The following CDH13 variants were observed in gnomAD, a reference collection of about 807,000 sequenced individuals.
CDH13 encodes the protein cadherin 13.
In CDH13, 24 loss-of-function variants were observed where a neutral mutation model predicts 63.8. The ratio of observed to expected loss-of-function variants is 0.38; its 90% CI spans 0.27 to 0.53. The LOEUF (loss-of-function observed/expected upper bound fraction) is 0.53. Ranked by LOEUF, CDH13 falls within the 20% of genes least tolerant of loss-of-function variation. CDH13 has a pLI of 0.85. For synonymous variants in CDH13, 503 were observed against 355.3 expected (o/e 1.42, Z -4.67); for missense variants, 1,049 against 903.1 (o/e 1.16, Z -2.07).
chr16:83,686,718 G>T (rs574458813), intron 10 of CDH13, among the ~76,000 whole-genome samples: 7 of 152,238 alleles, frequency 4.6e-5, no homozygotes, highest in African/African-American at 1.7e-4. Flanking sequence ...TTTAGTGTGG[G>T]TACATTTTAG....
intron 3 of CDH13, among the ~76,000 whole-genome samples, chr16:83,039,346 C>T (rs1198047174): frequency 1.3e-5 from 2 of 152,156 alleles, no homozygotes; most frequent in African/African-American, 4.8e-5. Context: ...TCTTTCAAGT[C>T]TCATTCCTGC....
chr16:82,784,604 G>A (rs1266850088), intron 1 of CDH13, among the ~76,000 whole-genome samples: 1 of 152,170 alleles, frequency 6.6e-6, no homozygotes, highest in East Asian at 1.9e-4. Context: ...GAGGGAAGAA[G>A]AAGAATTAAT....
intron 1 of CDH13, among the ~76,000 whole-genome samples, chr16:82,767,461 T>G (rs535660730): frequency 6.6e-6 from 1 of 152,260 alleles, no homozygotes; most frequent in African/African-American, 2.4e-5. Context: ...TTGCATGTTG[T>G]TGCACCGATG....
chr16:83,245,640 A>C (rs1904914491), intron 5 of CDH13, among the ~76,000 whole-genome samples: 1 of 152,258 alleles, frequency 6.6e-6, no homozygotes. Context: ...TCAATGCAGT[A>C]GACTTAGATT....
intron 6 of CDH13, among the ~76,000 whole-genome samples, chr16:83,444,187 G>A (rs1312603272): frequency 2.6e-5 from 4 of 152,132 alleles, no homozygotes; most frequent in Non-Finnish European, 5.9e-5. Context: ...GATGGCAACA[G>A]TGATGACAAT....
chr16:82,928,555 A>G (rs2042379464), intron 2 of CDH13, among the ~76,000 whole-genome samples: 1 of 152,220 alleles, frequency 6.6e-6, no homozygotes, highest in African/African-American at 2.4e-5. Context: ...AACATAGAAT[A>G]TTCTACTGTT....
intron 3 of CDH13, among the ~76,000 whole-genome samples, chr16:83,108,252 A>G (rs12716962): frequency 6.6e-6 from 1 of 152,002 alleles, no homozygotes; most frequent in African/African-American, 2.4e-5. Context: ...GCAAAGGACC[A>G]CAGAGGAAGG....
chr16:82,651,267 T>C (rs1021150150), intron 1 of CDH13, among the ~76,000 whole-genome samples: 11 of 152,238 alleles, frequency 7.2e-5, no homozygotes, highest in African/African-American at 2.7e-4. Context: ...TACTTTCACA[T>C]GTGATGTCTA....
chr16:83,615,060 AGTTTGGT>A, intron 8 of CDH13, among the ~76,000 whole-genome samples: 1 of 152,280 alleles, frequency 6.6e-6, no homozygotes, highest in South Asian at 2.1e-4. Flanking sequence ...TGTTTTTGAT[AGTTTGGT>A]GACTCCAGCT....
At chr16:83,384,406 A>ACC (rs751755957) in intron 6 of CDH13, among the ~76,000 whole-genome samples, 4 of 152,188 alleles carry the variant, frequency 2.6e-5, no homozygotes, top group Non-Finnish European at 4.4e-5. Flanking sequence ...AGAAGGAAAT[A>ACC]GACTACCGAG....
chr16:83,202,730 T>C (rs897126391), intron 4 of CDH13, among the ~76,000 whole-genome samples: 1 of 152,212 alleles, frequency 6.6e-6, no homozygotes, highest in African/African-American at 2.4e-5. Flanking sequence ...GTTGTTCATG[T>C]TGATTACTAG....
chr16:82,936,850 C>T (rs905522616), intron 2 of CDH13, among the ~76,000 whole-genome samples: 4 of 152,072 alleles, frequency 2.6e-5, no homozygotes, highest in Non-Finnish European at 5.9e-5. Flanking sequence ...TACACTTCGC[C>T]CAACCATTTG....
chr16:83,007,824 CAAA>C (rs563773010), intron 2 of CDH13, among the ~76,000 whole-genome samples: 1 of 125,066 alleles, frequency 8.0e-6, no homozygotes. Flanking sequence ...ACGACTCTGT[CAAA>C]AAAAAAAAAA....
At chr16:83,426,294 A>G (rs2071893147) in intron 6 of CDH13, among the ~76,000 whole-genome samples, 1 of 152,108 alleles carries the variant, frequency 6.6e-6, no homozygotes, top group Non-Finnish European at 1.5e-5. Flanking sequence ...TGATTTCTGC[A>G]TCCGATTTGA....
intron 1 of CDH13, among the ~76,000 whole-genome samples, chr16:82,657,455 C>T (rs1344157313): frequency 2.6e-5 from 4 of 152,106 alleles, no homozygotes; most frequent in Non-Finnish European, 5.9e-5. Flanking sequence ...ACATTCCCGG[C>T]AGGATGGAGT....
chr16:83,374,127 G>A (rs1382808314), intron 6 of CDH13, among the ~76,000 whole-genome samples: 1 of 152,198 alleles, frequency 6.6e-6, no homozygotes, highest in Non-Finnish European at 1.5e-5. Flanking sequence ...TCTTGCTGCT[G>A]TTCCATAAAG....
intron 5 of CDH13, among the ~76,000 whole-genome samples, chr16:83,312,561 C>T (rs2090023512): frequency 1.3e-5 from 2 of 152,126 alleles, no homozygotes; most frequent in African/African-American, 4.8e-5. Context: ...ATCATAAGGC[C>T]ACCCTTCTTG....
At chr16:82,642,052 C>T (rs1028653549) in intron 1 of CDH13, among the ~76,000 whole-genome samples, 3 of 127,268 alleles carry the variant, frequency 2.4e-5, no homozygotes, top group Non-Finnish European at 3.2e-5. Flanking sequence ...CACCCCTATG[C>T]GGTTTATTTT....
intron 2 of CDH13, among the ~76,000 whole-genome samples, chr16:82,949,967 A>T (rs1470598732): frequency 6.6e-6 from 1 of 152,068 alleles, no homozygotes; most frequent in Non-Finnish European, 1.5e-5. Flanking sequence ...CTTGGTTGCA[A>T]GCAAAAGGAA....
Sources: allele counts gnomAD v4.1 joint callset (sites outside exome capture counted in the v4.1 genomes callset), GRCh38; gene constraint gnomAD v4.1.1; transcripts MANE v1.5; gene names NCBI Gene and HGNC (gene_info 2026-07-23, HGNC 2026-07-21).